The following CIC variants were observed in gnomAD, a reference collection of about 807,000 sequenced individuals.
CIC encodes the protein capicua transcriptional repressor.
In CIC, 18 loss-of-function variants were observed where a neutral mutation model predicts 115.7. The observed-to-expected ratio is 0.16, with a 90% CI of 0.11 to 0.23. CIC has a LOEUF of 0.23. Ranked by LOEUF, CIC falls within the 10% of genes least tolerant of loss-of-function variation. CIC has a pLI of 1.00. For synonymous variants in CIC, 1,076 were observed against 923.0 expected (o/e 1.17, Z -3.01); for missense variants, 2,000 against 2,159.3 (o/e 0.93, Z 1.46).
Position 42,289,174 on chromosome 19 carries a change from C to G in CIC, c.3862-7C>G. On this transcript the variant is annotated splice_region_variant and splice_polypyrimidine_tract_variant and intron_variant, in intron 8 of 20. Transcript: ENST00000681038. The stretch of plus-strand genomic sequence containing the variant: ...CCGCTGAACCCTCTCTGCCACCTAT[C>G]CTGCAGATGGTGTCTGGCCCTGCAT... 1 of 1,613,284 alleles carries G rather than the reference C, an allele frequency of 6.2e-7. No homozygotes were observed. The highest frequency in any genetic ancestry group is 8.5e-7 in the Non-Finnish European group (1 of 1,180,006).
chr19:42,268,559 G>A (rs1433477102), upstream of CIC: 1 of 152,238 alleles, frequency 6.6e-6, no homozygotes, highest in African/African-American at 2.4e-5. Context: ...CTGCCACTGA[G>A]AGGAGCCACC....
In CIC at chr19:42,287,092, T is replaced by C. The variant is rs2037707528; in HGVS notation, c.3031T>C (p.Cys1011Arg). 1.2e-6 allele frequency: 2 copies of C among 1,613,392 alleles called. No homozygotes were observed. Among genetic ancestry groups the C allele is most frequent in the East Asian group, 4.5e-5 (2 of 44,866 alleles). ...CCCTGAGCGGCCCCCTGGAGCCACA[T>C]GCCCTGAGAGCCCAGGACCCGGACC... ...ADPERPPGAT[C>R]PESPGPGPPH... Residue 1011 changes from cysteine (C) to arginine (R), a missense_variant, in exon 4 of 21, where the codon TGC (cysteine) becomes CGC (arginine). Cys to Arg is a radical substitution (Grantham distance 180). This residue lies in a region of CIC where 222 missense variants were observed against 247.7 expected (regional missense o/e 0.90). Coordinates refer to ENST00000681038, the MANE Select transcript of CIC (RefSeq NM_001386298.1). This position sits in a 1 kb window ranked among gnomAD's most constrained non-coding sequence, Gnocchi z 8.7.
In CIC at chr19:42,291,842, T is replaced by G. The variant is rs563838620; in HGVS notation, c.5613+97T>G. 1.6e-5 allele frequency: 24 copies of G among 1,479,176 alleles called. No individual in the cohort carries two copies. In the African/African-American group the frequency reaches 3.2e-4, roughly 20 times the overall value. The allele number at this position is 1,479,176 out of a possible 1,614,324, so 91.6% of individuals were successfully genotyped here. On this transcript the variant is annotated intron_variant, in intron 12 of 20. Coordinates refer to ENST00000681038, the MANE Select transcript of CIC (RefSeq NM_001386298.1). ...TCAGTCTTTTCTCCTTCTCCATGTA[T>G]CTGGTTCTCTGTCTTGCCATCTTCC...
rs752757853 is a variant in CIC at position 42,286,853 on chromosome 19, C to T, written c.2877C>T (p.Asp959=). 22 of 1,613,706 alleles carry T rather than the reference C, an allele frequency of 1.4e-5. No homozygotes were observed. Among genetic ancestry groups the T allele is most frequent in the Non-Finnish European group, 1.8e-5 (21 of 1,180,002 alleles). Residue 959 remains aspartate, a synonymous_variant, in exon 3 of 21, where the codon GAC becomes GAT. Transcript: ENST00000681038. ...CCTTCCTGGCACCCAGCCAGCCTGA[C>T]CCCTCCGTGCAGCCGAGCGAGGCCC... ...LVPFLAPSQP[D]PSVQPSEAQQ...
At chr19:42,289,464 G>C in intron 9 of CIC, 58 bp downstream of exon 9, 1 of 1,532,228 alleles carries the variant, frequency 6.5e-7, no homozygotes, top group Non-Finnish European at 8.8e-7. Flanking sequence ...GGCTCAGAGG[G>C]TGGGCAGAAC....
rs2147182339 is a variant in CIC, at chr19:42,287,167, A to T, written c.3106A>T (p.Thr1036Ser). ...VESGKGPPPT[T>S]EEEASGPPGE... ...ATCTGGTAAGGGTCCGCCTCCCACC[A>T]CGGAGGAGGAGGCCTCCGGCCCCCC... is the stretch of plus-strand genomic sequence containing the variant. Residue 1036 changes from threonine to serine, a missense_variant, in exon 4 of 21, where the codon ACG (threonine) becomes TCG (serine). Physicochemically the swap from Thr to Ser is moderately conservative, Grantham distance 58. Around this residue, in one of 8 missense-constraint regions of CIC, gnomAD observed 222 missense variants for 247.7 expected, o/e 0.90. Transcript: ENST00000681038. This position sits in a 1 kb window ranked among gnomAD's most constrained non-coding sequence, Gnocchi z 8.7. The T allele has an allele frequency of 6.2e-7, 1 of 1,613,464 alleles. No individual in the cohort carries two copies. Among genetic ancestry groups the T allele is most frequent in the East Asian group, 2.2e-5 (1 of 44,864 alleles).
intron 2 of CIC, among the ~76,000 whole-genome samples, chr19:42,286,318 AAG>A (rs1267655176): frequency 5.9e-5 from 9 of 152,036 alleles, no homozygotes; most frequent in African/African-American, 1.7e-4. Flanking sequence ...AGGAAAGGGA[AAG>A]AGAGCATGAG....
In CIC at chr19:42,272,247, G is replaced by A. The variant is rs1469923631; in HGVS notation, c.464G>A (p.Arg155Gln). Reference protein sequence around the residue: ...EEASGLGVPPRPPTSTRSSST... With the variant: ...EEASGLGVPPQPPTSTRSSST... ...GCCAGTGGCCTGGGGGTGCCTCCAC[G>A]GCCACCCACCTCCACTCGTTCCTCC... Residue 155 changes from arginine to glutamine, a missense_variant, in exon 2 of 21, where the codon CGG (arginine) becomes CAG (glutamine). Transcript: ENST00000681038. 2 of 398,458 alleles carry A rather than the reference G, an allele frequency of 5.0e-6. No homozygotes were observed. The highest frequency in any genetic ancestry group is 8.8e-6 in the Non-Finnish European group (2 of 226,054). 24.7% of individuals were successfully genotyped at this position (398,458 alleles called of 1,614,324 possible).
chr19:42,285,781 C>G (rs950815227), intron 2 of CIC, among the ~76,000 whole-genome samples: 3 of 152,206 alleles, frequency 2.0e-5, no homozygotes, highest in African/African-American at 7.2e-5. Flanking sequence ...AGGCCCGCCC[C>G]AAAAGTCCAG....
chr19:42,289,966 C>T lies in CIC; in HGVS notation c.4191+15C>T, dbSNP rs756462537. 1 of 1,579,700 alleles carries T rather than the reference C, an allele frequency of 6.3e-7. No homozygotes were observed. Among genetic ancestry groups the T allele is most frequent in the South Asian group, 1.1e-5 (1 of 88,012 alleles). On this transcript the variant is annotated intron_variant, in intron 10 of 20. Coordinates refer to ENST00000681038, the MANE Select transcript of CIC (RefSeq NM_001386298.1). ...AGGGCAACAAGGTGAGGGCTTGGGT[C>T]ACGGTGCTGTCCCATCACACTCCCT...
In CIC at chr19:42,295,141, C is replaced by CCCGG. The variant is rs2038425601; in HGVS notation, c.7504_7505insCCGG (p.Gln2502ProfsTer22). 1.3e-5 allele frequency: 18 copies of CCCGG among 1,430,036 alleles called. No homozygotes were observed. Among genetic ancestry groups the CCCGG allele is most frequent in the Non-Finnish European group, 1.6e-5 (17 of 1,073,544 alleles). 88.6% of individuals were successfully genotyped at this position (1,430,036 alleles called of 1,614,324 possible). On this transcript the variant is annotated frameshift_variant, in exon 21 of 21. Transcript: ENST00000681038. LOFTEE classifies it high-confidence loss of function. ...ACAGCCTGGCTGGGAGGGGGCTCCC[C>CCCGG]AGCCCTCCCCCCCACCCCCAGGTCC... is the stretch of plus-strand genomic sequence containing the variant.
rs754739201 is a variant in CIC at position 42,294,984 on chromosome 19, C to G, written c.7347C>G (p.Pro2449=). 2 of 1,599,216 alleles carry G rather than the reference C, an allele frequency of 1.3e-6. No individual in the cohort carries two copies. The highest frequency in any genetic ancestry group is 8.5e-7 in the Non-Finnish European group (1 of 1,179,518). The change falls in exon 21 of 21, where the codon CCC becomes CCG. Residue 2449 remains proline (P), a synonymous_variant. Coordinates refer to ENST00000681038, the MANE Select transcript of CIC (RefSeq NM_001386298.1). ...GAEAPLPVPP[P]TGTAAAPAPT... is the part of the protein sequence containing the mutation. ...AGGCTCCTCTCCCTGTACCGCCCCC[C>G]ACTGGCACCGCTGCTGCCCCTGCCC... is the stretch of plus-strand genomic sequence containing the variant.
rs912185219 is a variant in CIC, at chr19:42,280,159, C to T, written c.2794+5582C>T. 4 of 152,082 alleles carry T rather than the reference C, an allele frequency of 2.6e-5. No homozygotes were observed. Among genetic ancestry groups the T allele is most frequent in the Non-Finnish European group, 5.9e-5 (4 of 67,964 alleles). The allele number at this position is 152,082 out of a possible 1,614,324, so 9.4% of individuals were successfully genotyped here. On this transcript the variant is annotated intron_variant, in intron 2 of 20. Coordinates refer to ENST00000681038, the MANE Select transcript of CIC (RefSeq NM_001386298.1). This position sits in a 1 kb window ranked among gnomAD's most constrained non-coding sequence, Gnocchi z 4.9. Reference sequence around the variant, plus strand: ...ACCCTAGCCCGCCGCGCCGCCTCCTCCACCCCCACCCTATCCCCTGTTCCC... The same window carrying T: ...ACCCTAGCCCGCCGCGCCGCCTCCTTCACCCCCACCCTATCCCCTGTTCCC...
At position 42,287,230 on chromosome 19, in the gene CIC, C is replaced by T; in HGVS notation, c.3169C>T (p.His1057Tyr). The T allele has an allele frequency of 8.7e-6, 14 of 1,613,846 alleles. No individual in the cohort carries two copies. The highest frequency in any genetic ancestry group is 1.2e-5 in the Non-Finnish European group (14 of 1,179,956). ...GCTGGACAGTGAGACAGAGAGTGAC[C>T]ATGATGATGCGTGAGTTCCCTGAGG... ...PRLDSETESD[H>Y]DDAFLSIMSP... Residue 1057 changes from histidine to tyrosine, a missense_variant, in exon 4 of 21, where the codon CAT becomes TAT. His to Tyr is a moderately conservative substitution (Grantham distance 83, BLOSUM62 2). Coordinates refer to ENST00000681038, the MANE Select transcript of CIC (RefSeq NM_001386298.1). This position sits in a 1 kb window ranked among gnomAD's most constrained non-coding sequence, Gnocchi z 8.7.
chr19:42,283,832 G>T (rs992677700), intron 2 of CIC, among the ~76,000 whole-genome samples: 2 of 152,106 alleles, frequency 1.3e-5, no homozygotes, highest in East Asian at 1.9e-4. Flanking sequence ...CCCGCCCCCG[G>T]CCGGCTCGGG....
intron 2 of CIC, chr19:42,284,206 C>G (rs1164883198): frequency 6.8e-6 from 1 of 146,468 alleles, no homozygotes; most frequent in Non-Finnish European, 1.5e-5. Flanking sequence ...GGCGGCGGCG[C>G]CGGCAGCCGG....
rs201342979 is a variant in CIC at position 42,290,509 on chromosome 19, C to T, written c.4468C>T (p.Pro1490Ser). 113 of 1,613,318 alleles carry T rather than the reference C, an allele frequency of 7.0e-5. No individual in the cohort carries two copies. In the African/African-American group the frequency reaches 1.4e-3, roughly 20 times the overall value. The change falls in exon 11 of 21, where the codon CCA becomes TCA. Residue 1490 changes from proline (P) to serine (S), a missense_variant. Coordinates refer to ENST00000681038, the MANE Select transcript of CIC (RefSeq NM_001386298.1). ...LRPPPPGAGG[P>S]ATPSKATRFL... Reference sequence around the variant, plus strand: ...GCCCCCACCCCCTGGGGCTGGGGGTCCAGCGACACCTTCCAAGGCAACCCG... The same window carrying T: ...GCCCCCACCCCCTGGGGCTGGGGGTTCAGCGACACCTTCCAAGGCAACCCG...
Position 42,286,877 on chromosome 19 carries a change from C to T in CIC, c.2901C>T (p.Ala967=), listed in dbSNP as rs112106516. 4.3e-6 allele frequency: 7 copies of T among 1,612,880 alleles called. No individual in the cohort carries two copies. In the African/African-American group the frequency reaches 5.3e-5, roughly 12 times the overall value. The change falls in exon 3 of 21, where the codon GCC becomes GCT. Residue 967 remains alanine, a synonymous_variant. Transcript: ENST00000681038. ...ACCCCTCCGTGCAGCCGAGCGAGGC[C>T]CAGCAACCTGCCAGCCACCCAGTGG... ...QPDPSVQPSE[A]QQPASHPVAS... is the part of the protein sequence containing the mutation.
rs934126884 is a variant in CIC, at chr19:42,293,207, C to T, written c.6448C>T (p.Pro2150Ser). ...APPPLPETWT[P>S]TARSSPPLPP... ...TCCACCCCTGCCAGAGACCTGGACTCCCACGGCCCGGAGCAGCCCCCCACT... is the reference window on the plus strand; with the variant it reads ...TCCACCCCTGCCAGAGACCTGGACTTCCACGGCCCGGAGCAGCCCCCCACT... Residue 2150 changes from proline to serine, a missense_variant, in exon 16 of 21, where the codon CCC becomes TCC. Physicochemically the swap from Pro to Ser is moderately conservative, Grantham distance 74. Coordinates refer to ENST00000681038, the MANE Select transcript of CIC (RefSeq NM_001386298.1). 6.3e-7 allele frequency: 1 copy of T among 1,597,678 alleles called. No individual in the cohort carries two copies. Among genetic ancestry groups the T allele is most frequent in the African/African-American group, 1.3e-5 (1 of 74,576 alleles).
Sources: allele counts gnomAD v4.1 joint callset (sites outside exome capture counted in the v4.1 genomes callset), GRCh38; gene constraint gnomAD v4.1.1; regional missense constraint gnomAD v4.1.1; non-coding constraint Gnocchi (gnomAD v3.1); transcripts MANE v1.5; gene names NCBI Gene and HGNC (gene_info 2026-07-23, HGNC 2026-07-21).